NSD2: variants seen among roughly 807,000 people sequenced by gnomAD.
NSD2 encodes histone-lysine N-methyltransferase NSD2.
Under a neutral mutation model 139.0 loss-of-function variants are expected in NSD2, and 12 were observed. That is an observed-to-expected ratio of 0.09 (90% CI 0.06 to 0.14). The LOEUF (loss-of-function observed/expected upper bound fraction) is 0.14. NSD2 is among the 10% of genes least tolerant of loss of function. The probability of loss-of-function intolerance (pLI) is 1.00; values close to 1 mark genes in which losing one functional copy is unlikely to be tolerated. For missense variants in NSD2, 1,155 were observed against 1,745.0 expected (o/e 0.66, Z 6.02); for synonymous variants, 669 against 648.7 (o/e 1.03, Z -0.48).
chr4:1,944,737 G>T, intron 9 of NSD2: 1 of 1,064,714 alleles, frequency 9.4e-7, no homozygotes. Context: ...GGGCCATCAA[G>T]CCTTTATATA....
At chr4:1,944,106 C>G in intron 9 of NSD2, 1 of 1,066,190 alleles carries the variant, frequency 9.4e-7, no homozygotes, top group Non-Finnish European at 1.1e-6. Context: ...GACATCGTTC[C>G]CTGGGGACAT....
chr4:1,972,133 C>T lies in NSD2; in HGVS notation c.3373-2730C>T, dbSNP rs1433666655. ...GATGGCCTTATGTGAACTGTAGTGACAACAGTGAGAGGCCAGGTCCACAGG... is the reference window on the plus strand; with the variant it reads ...GATGGCCTTATGTGAACTGTAGTGATAACAGTGAGAGGCCAGGTCCACAGG... On this transcript the variant is annotated intron_variant, in intron 18 of 21. Coordinates refer to ENST00000508803, the MANE Select transcript of NSD2 (RefSeq NM_001042424.3). The surrounding 1 kb of genome is among the most constrained non-coding windows in gnomAD (Gnocchi z 4.0). Among the ~76,000 whole-genome samples the T allele has an allele frequency of 1.3e-5, 2 of 152,190 alleles. No individual in the cohort carries two copies. Among genetic ancestry groups the T allele is most frequent in the Non-Finnish European group, 2.9e-5 (2 of 68,026 alleles).
At chr4:1,944,583 AC>A (rs1177422737) in intron 9 of NSD2, 15 of 1,064,040 alleles carry the variant, frequency 1.4e-5, no homozygotes, top group Non-Finnish European at 1.7e-5. Context: ...AGAGGTGAAA[AC>A]TTGTCAGAAT....
chr4:1,976,944 C>G lies in NSD2; in HGVS notation c.3826+265C>G, dbSNP rs1411842531. Among the ~76,000 whole-genome samples the G allele has an allele frequency of 6.6e-6, 1 of 152,246 alleles. No homozygotes were observed. On this transcript the variant is annotated intron_variant, in intron 21 of 21. Coordinates refer to ENST00000508803, the MANE Select transcript of NSD2 (RefSeq NM_001042424.3). The surrounding 1 kb of genome is among the most constrained non-coding windows in gnomAD (Gnocchi z 5.3). ...AGGAGGGATTCAGGCAGCCCAAGGC[C>G]CAGCTGCAGAATTGGGGCCCTCATC...
chr4:1,971,194 A>G (rs1726434982), intron 18 of NSD2, among the ~76,000 whole-genome samples: 1 of 152,152 alleles, frequency 6.6e-6, no homozygotes, highest in African/African-American at 2.4e-5. Context: ...CCCTGTCTCA[A>G]TTAAAAAAAA....
chr4:1,879,670 C>CCCTG (rs1714559426), intron 1 of NSD2, among the ~76,000 whole-genome samples: 1 of 152,038 alleles, frequency 6.6e-6, no homozygotes, highest in Non-Finnish European at 1.5e-5. Context: ...ATGAGCCGTG[C>CCCTG]CCTGTCCCAT....
At chr4:1,938,192 C>T (rs969676289) in intron 7 of NSD2, among the ~76,000 whole-genome samples, 4 of 152,032 alleles carry the variant, frequency 2.6e-5, no homozygotes, top group African/African-American at 7.2e-5. Context: ...GATGCGAGAG[C>T]GGGAGGTGCG....
chr4:1,893,647 GCTCAACTGATCCTCCTGCCACAGC>G (rs1250019713), intron 1 of NSD2: 2 of 150,898 alleles, frequency 1.3e-5, no homozygotes, highest in African/African-American at 4.9e-5. Context: ...TGCTGCCCAG[GCTCAACTGATCCTCCTGCCACAGC>G]CTCCCCAGTA....
At chr4:1,941,691 T>C in intron 9 of NSD2, 7 of 1,045,816 alleles carry the variant, frequency 6.7e-6, no homozygotes, top group Non-Finnish European at 8.1e-6. Flanking sequence ...GTTCCTTATA[T>C]GAAAACGTTT....
chr4:1,930,464 C>T (rs1721507720), intron 5 of NSD2, among the ~76,000 whole-genome samples, 162 bp from the exon 6 acceptor site: 1 of 152,176 alleles, frequency 6.6e-6, no homozygotes, highest in Non-Finnish European at 1.5e-5. Flanking sequence ...ATCAGTTAAG[C>T]ACTACTTTTC....
chr4:1,947,037 C>T (rs927150234), intron 9 of NSD2: 28 of 1,063,458 alleles, frequency 2.6e-5, no homozygotes, highest in African/African-American at 2.3e-4. Flanking sequence ...GGTCCTGGTC[C>T]GGCTGATGGG....
chr4:1,872,591 T>TGTGTGTGTGTGAGAGAGA (rs1281608141), intron 1 of NSD2, among the ~76,000 whole-genome samples: 4 of 44,892 alleles, frequency 8.9e-5, no homozygotes, highest in Admixed American at 6.9e-4. Context: ...TGTGTGTGTG[T>TGTGTGTGTGTGAGAGAGA]GAGAGAGAGA....
At chr4:1,913,695 C>T (rs1471908541) in intron 3 of NSD2, among the ~76,000 whole-genome samples, 2 of 152,166 alleles carry the variant, frequency 1.3e-5, no homozygotes, top group Non-Finnish European at 2.9e-5. Flanking sequence ...AGATGACTCA[C>T]ACTCCTTACC....
intron 3 of NSD2, among the ~76,000 whole-genome samples, chr4:1,906,535 G>A (rs773277562): frequency 2.7e-5 from 4 of 150,030 alleles, no homozygotes; most frequent in Non-Finnish European, 4.4e-5. Context: ...CCACAGTGCC[G>A]CAGCCCAACT....
chr4:1,913,239 C>T (rs893978761), intron 3 of NSD2, among the ~76,000 whole-genome samples: 11 of 152,254 alleles, frequency 7.2e-5, no homozygotes, highest in African/African-American at 2.4e-5. Flanking sequence ...ACGCCAGTGC[C>T]TGGGAAGGCA....
chr4:1,960,407 A>T (rs1468620237), intron 17 of NSD2, among the ~76,000 whole-genome samples: 1 of 152,170 alleles, frequency 6.6e-6, no homozygotes, highest in African/African-American at 2.4e-5. Flanking sequence ...ACAGTCTAGG[A>T]CCAAGTCGTT....
chr4:1,979,184 G>A lies in NSD2; in HGVS notation c.*275G>A. 2.6e-6 allele frequency: 1 copy of A among 382,226 alleles called. No individual in the cohort carries two copies. The highest frequency in any genetic ancestry group is 4.6e-6 in the Non-Finnish European group (1 of 216,238). The allele number at this position is 382,226 out of a possible 1,614,324, so 23.7% of individuals were successfully genotyped here. ...CCGCCACACTTGAATTTCTCCGAATGTCAAGGTTCCCTCCCACTCTATTTT... is the reference window on the plus strand; with the variant it reads ...CCGCCACACTTGAATTTCTCCGAATATCAAGGTTCCCTCCCACTCTATTTT... On this transcript the variant is annotated 3_prime_UTR_variant, in exon 22 of 22. Coordinates refer to ENST00000508803, the MANE Select transcript of NSD2 (RefSeq NM_001042424.3).
Position 1,930,741 on chromosome 4 carries a change from T to G in NSD2, c.1526T>G (p.Val509Gly). ...RARYNTKFAL[V>G]APVQAEEDSG... ...CGCTACAACACCAAGTTTGCCCTGGTGGCCCCTGTCCAGGCTGAAGAAGAC... is the reference window on the plus strand; with the variant it reads ...CGCTACAACACCAAGTTTGCCCTGGGGGCCCCTGTCCAGGCTGAAGAAGAC... The change falls in exon 6 of 22, where the codon GTG (valine) becomes GGG (glycine). Residue 509 changes from valine to glycine, a missense_variant. Physicochemically the swap from Val to Gly is moderately radical, Grantham distance 109 (BLOSUM62 -3). Coordinates refer to ENST00000508803, the MANE Select transcript of NSD2 (RefSeq NM_001042424.3). 6.2e-7 allele frequency: 1 copy of G among 1,613,852 alleles called. No individual in the cohort carries two copies. Among genetic ancestry groups the G allele is most frequent in the South Asian group, 1.1e-5 (1 of 91,046 alleles).
At chr4:1,969,731 C>A (rs537948183) in intron 18 of NSD2, among the ~76,000 whole-genome samples, 2 of 151,974 alleles carry the variant, frequency 1.3e-5, no homozygotes, top group African/African-American at 2.4e-5. Flanking sequence ...AAATCCTGAC[C>A]CAAAACAGCA....
Sources: gnomAD v4.1 joint callset for allele counts (sites outside exome capture counted in the v4.1 genomes callset) on GRCh38, gnomAD v4.1.1 for gene constraint, Gnocchi (gnomAD v3.1) non-coding constraint, MANE v1.5 for transcripts, NCBI Gene and HGNC (gene_info 2026-07-23, HGNC 2026-07-21) for gene names.